The following ANKDD1A variants were observed in gnomAD, a reference collection of about 807,000 sequenced individuals.
ANKDD1A encodes the protein ankyrin repeat and death domain containing 1A.
In ANKDD1A, 59 loss-of-function variants were observed where a neutral mutation model predicts 63.5. That is an observed-to-expected ratio of 0.93 (90% CI 0.75 to 1.15). ANKDD1A has a LOEUF of 1.15. Among genes scored for constraint, ANKDD1A ranks in the 50% most tolerant of loss-of-function variants. The pLI is 0.00. For synonymous variants in ANKDD1A, 266 were observed against 263.9 expected, an observed-to-expected ratio of 1.01 and a Z score of -0.08; for missense variants, 632 against 656.4, an observed-to-expected ratio of 0.96 and a Z score of 0.41.
intron 6 of ANKDD1A, among the ~76,000 whole-genome samples, chr15:64,929,088 A>G (rs2085068833): frequency 6.6e-6 from 1 of 152,238 alleles, no homozygotes; most frequent in African/African-American, 2.4e-5. Flanking sequence ...CCTGCAGGCT[A>G]TAGGCTGCAG....
intron 9 of ANKDD1A, among the ~76,000 whole-genome samples, chr15:64,940,441 T>TAGATAGATA (rs1420931679): frequency 6.7e-6 from 1 of 148,638 alleles, no homozygotes; most frequent in Non-Finnish European, 1.5e-5. Flanking sequence ...GATATATAGA[T>TAGATAGATA]ATTTTTTTTG....
intron 9 of ANKDD1A, among the ~76,000 whole-genome samples, chr15:64,937,800 A>C (rs1182090028): frequency 6.6e-6 from 1 of 152,180 alleles, no homozygotes; most frequent in Non-Finnish European, 1.5e-5. Context: ...ATATGGAAAG[A>C]CCTTAAAGAT....
At position 64,957,718 on chromosome 15, in the gene ANKDD1A, A is replaced by AT. The variant is rs2085430993; in HGVS notation, c.*531dup. On this transcript the variant is annotated 3_prime_UTR_variant, in exon 15 of 15. Transcript: ENST00000319580. ...CCCAAAATAGTATTTCTCTCAGCAG[A>AT]TATTTCTTTGGTACTACCATGTATT... The AT allele has an allele frequency of 6.6e-6, 1 of 152,240 alleles. No homozygotes were observed. Among genetic ancestry groups the AT allele is most frequent in the African/African-American group, 2.4e-5 (1 of 41,438 alleles). The allele number at this position is 152,240 out of a possible 1,614,324, so 9.4% of individuals were successfully genotyped here.
chr15:64,928,893 A>G (rs1446725102), intron 6 of ANKDD1A, among the ~76,000 whole-genome samples: 1 of 152,244 alleles, frequency 6.6e-6, no homozygotes, highest in Non-Finnish European at 1.5e-5. Context: ...GCAGCTTCAA[A>G]TGGCAGGACA....
At position 64,957,732 on chromosome 15, in the gene ANKDD1A, C is replaced by T. The variant is rs2085431183; in HGVS notation, c.*544C>T. The T allele has an allele frequency of 6.6e-6, 1 of 152,202 alleles. No homozygotes were observed. The highest frequency in any genetic ancestry group is 1.9e-4 in the East Asian group (1 of 5,204). The allele number at this position is 152,202 out of a possible 1,614,324, so 9.4% of individuals were successfully genotyped here. On this transcript the variant is annotated 3_prime_UTR_variant, in exon 15 of 15. Transcript: ENST00000319580. ...TCTCTCAGCAGATATTTCTTTGGTA[C>T]TACCATGTATTGTGTAACTTTTGGG...
Position 64,947,532 on chromosome 15 carries a change from G to A in ANKDD1A, c.1290G>A (p.Lys430=). Residue 430 remains lysine, a synonymous_variant, in exon 13 of 15, where the codon AAG becomes AAA. Coordinates refer to ENST00000319580, the MANE Select transcript of ANKDD1A (RefSeq NM_182703.6). Reference sequence around the variant, plus strand: ...ATCTGCAGCCCCGTGAGTGGAAGAAGCTGGCATATTCCTGGGAGTTCACGG... The same window carrying A: ...ATCTGCAGCCCCGTGAGTGGAAGAAACTGGCATATTCCTGGGAGTTCACGG... The part of the protein sequence containing the change: ...SRYLQPREWK[K]LAYSWEFTEA... 1.2e-6 allele frequency: 2 copies of A among 1,614,188 alleles called. No individual in the cohort carries two copies. Among genetic ancestry groups the A allele is most frequent in the East Asian group, 2.2e-5 (1 of 44,890 alleles).
chr15:64,955,376 A>T (rs2085408374), intron 14 of ANKDD1A, among the ~76,000 whole-genome samples: 1 of 152,070 alleles, frequency 6.6e-6, no homozygotes, highest in East Asian at 1.9e-4. Flanking sequence ...TGCACCTGAA[A>T]TGTTGGCTAG....
chr15:64,915,579 T>C (rs564901141), intron 1 of ANKDD1A, among the ~76,000 whole-genome samples: 7 of 152,330 alleles, frequency 4.6e-5, no homozygotes, highest in African/African-American at 1.7e-4. Flanking sequence ...CACCACGTCC[T>C]GGTTGCGTGG....
At chr15:64,954,021 CTTCTT>C (rs1202029464) in intron 14 of ANKDD1A, among the ~76,000 whole-genome samples, 2 of 119,028 alleles carry the variant, frequency 1.7e-5, no homozygotes, top group African/African-American at 3.3e-5. Context: ...CTTCTTTCCT[CTTCTT>C]TTCTTTCTTC....
chr15:64,952,266 CCTT>C (rs761614462), intron 14 of ANKDD1A, among the ~76,000 whole-genome samples: 15 of 146,718 alleles, frequency 1.0e-4, no homozygotes, highest in East Asian at 4.0e-4. Flanking sequence ...TCTTCCTTCT[CCTT>C]CTTTTTCTTC....
chr15:64,954,836 CT>C (rs201830014), intron 14 of ANKDD1A, among the ~76,000 whole-genome samples: 20 of 131,456 alleles, frequency 1.5e-4, no homozygotes, highest in Non-Finnish European at 2.4e-4. Context: ...TTTTGTTGTT[CT>C]TTCTTCTTCC....
chr15:64,931,457 C>A (rs2085090315), intron 7 of ANKDD1A, 30 bp from the exon 8 acceptor site: 1 of 1,602,146 alleles, frequency 6.2e-7, no homozygotes. Flanking sequence ...GCCTCCCCAC[C>A]ATCCTCATTG....
chr15:64,954,343 TCTC>T (rs1344412558), intron 14 of ANKDD1A, among the ~76,000 whole-genome samples: 1 of 71,952 alleles, frequency 1.4e-5, no homozygotes, highest in African/African-American at 4.8e-5. Context: ...TTCTTCCTCC[TCTC>T]CTTCTTCTCT....
rs1595845536 is a variant in ANKDD1A at position 64,916,019 on chromosome 15, G to C, written c.138+119G>C. 1.1e-5 allele frequency: 11 copies of C among 967,476 alleles called. No homozygotes were observed. The East Asian group carries it at 2.8e-4, about 24-fold the overall frequency. 59.9% of individuals were successfully genotyped at this position (967,476 alleles called of 1,614,324 possible). Reference sequence around the variant, plus strand: ...GCACATTTGCATGTGTAAACTTGGAGGGAGGCTCGGGCTCTGTCCTCATGG... The same window carrying C: ...GCACATTTGCATGTGTAAACTTGGACGGAGGCTCGGGCTCTGTCCTCATGG... On this transcript the variant is annotated intron_variant, in intron 2 of 14. Transcript: ENST00000319580.
intron 6 of ANKDD1A, among the ~76,000 whole-genome samples, chr15:64,927,906 G>T (rs1000496130): frequency 6.6e-6 from 1 of 152,070 alleles, no homozygotes; most frequent in Non-Finnish European, 1.5e-5. Flanking sequence ...CGCCCGGCCT[G>T]TTACAGCAAA....
rs761588607 is a variant in ANKDD1A, at chr15:64,926,914, C to T, written c.485C>T (p.Ala162Val). ...LDHVDKLGRT[A>V]FHRAAEHGQL... ...CCTCCCGGCCAGCTGGGGAGGACGG[C>T]GTTTCACAGGGCAGCTGAGCACGGG... Residue 162 changes from alanine (A) to valine (V), a missense_variant, in exon 6 of 15, where the codon GCG (alanine) becomes GTG (valine). Ala to Val is a moderately conservative substitution (Grantham distance 64, BLOSUM62 0). Coordinates refer to ENST00000319580, the MANE Select transcript of ANKDD1A (RefSeq NM_182703.6). 50 of 1,614,032 alleles carry T rather than the reference C, an allele frequency of 3.1e-5. No homozygotes were observed. The East Asian group carries it at 3.1e-4, about 10-fold the overall frequency.
chr15:64,921,893 C>G (rs768419675), intron 3 of ANKDD1A, 28 bp from the exon 4 acceptor site: 1 of 1,607,122 alleles, frequency 6.2e-7, no homozygotes, highest in South Asian at 1.1e-5. Flanking sequence ...CCACATTCTT[C>G]TCACCTCCTC....
At chr15:64,936,448 TATTTA>T (rs2085133087) in intron 9 of ANKDD1A, among the ~76,000 whole-genome samples, 1 of 152,236 alleles carries the variant, frequency 6.6e-6, no homozygotes. Context: ...TTTATTTATT[TATTTA>T]ATTGTGTCAC....
At chr15:64,930,186 C>T (rs2085077844) in intron 6 of ANKDD1A, among the ~76,000 whole-genome samples, 1 of 151,830 alleles carries the variant, frequency 6.6e-6, no homozygotes, top group Non-Finnish European at 1.5e-5. Context: ...TGCAGCAAAC[C>T]ACCAATGCAC....
Sources: allele counts gnomAD v4.1 joint callset (sites outside exome capture counted in the v4.1 genomes callset), GRCh38; gene constraint gnomAD v4.1.1; transcripts MANE v1.5; gene names NCBI Gene and HGNC (gene_info 2026-07-23, HGNC 2026-07-21).